HHIPL2: variants seen among roughly 807,000 people sequenced by gnomAD.
The protein encoded by HHIPL2 is HHIP-like protein 2.
A neutral mutation model predicts 61.0 loss-of-function variants in HHIPL2; 61 were observed. The observed-to-expected ratio is 1.00, with a 90% confidence interval of 0.81 to 1.24. HHIPL2 has a LOEUF of 1.24. HHIPL2 is among the 50% of genes most tolerant of loss of function. HHIPL2 has a pLI of 0.00. For synonymous variants in HHIPL2, 343 were observed against 357.4 expected (o/e 0.96, Z 0.45); for missense variants, 885 against 910.2 (o/e 0.97, Z 0.36).
intron 6 of HHIPL2, among the ~76,000 whole-genome samples, chr1:222,529,428 A>G (rs1659142858): frequency 6.6e-6 from 1 of 152,192 alleles, no homozygotes; most frequent in Non-Finnish European, 1.5e-5. Context: ...GGCCCCTCGA[A>G]ACCATGCAAA....
In HHIPL2 at chr1:222,526,884, G is replaced by A. The variant is rs999618544; in HGVS notation, c.1805+85C>T. ...CATCTAGAACATGAGTTTGCTTCGG[G>A]ACAATGAGGACTGTTTTTATGGCCT... On this transcript the variant is annotated intron_variant, in intron 7 of 8. Transcript: ENST00000343410. 10 of 1,088,362 alleles carry A rather than the reference G, an allele frequency of 9.2e-6. No individual in the cohort carries two copies. The South Asian group carries it at 1.2e-4, about 13-fold the overall frequency. The allele number at this position is 1,088,362 out of a possible 1,614,324, so 67.4% of individuals were successfully genotyped here. A position where few individuals can be genotyped will look rare whatever the true frequency, so the allele number is the denominator to read the frequency against.
chr1:222,530,272 A>C (rs1254411074), intron 6 of HHIPL2, among the ~76,000 whole-genome samples: 1 of 152,210 alleles, frequency 6.6e-6, no homozygotes. Flanking sequence ...AGCAAGCCAC[A>C]GAAGATGGCA....
At chr1:222,544,977 T>C (rs566664904) in intron 1 of HHIPL2, among the ~76,000 whole-genome samples, 17 of 152,334 alleles carry the variant, frequency 1.1e-4, no homozygotes, top group Admixed American at 2.0e-4. Flanking sequence ...ATTGTGGCTA[T>C]AGGGCAATAT....
intron 7 of HHIPL2, among the ~76,000 whole-genome samples, chr1:222,526,708 A>AC (rs1398391555): frequency 2.0e-5 from 3 of 148,046 alleles, no homozygotes; most frequent in Non-Finnish European, 4.5e-5. Context: ...TCCATCTCAA[A>AC]AAAAAAAAAA....
chr1:222,538,750 T>G lies in HHIPL2; in HGVS notation c.1475A>C (p.Tyr492Ser), dbSNP rs765416661. The G allele has an allele frequency of 6.2e-7, 1 of 1,614,156 alleles. No homozygotes were observed. The highest frequency in any genetic ancestry group is 1.1e-5 in the South Asian group (1 of 91,078). Residue 492 changes from tyrosine to serine, a missense_variant, in exon 5 of 9, where the codon TAT (tyrosine) becomes TCT (serine). Physicochemically the swap from Tyr to Ser is moderately radical, Grantham distance 144. Transcript: ENST00000343410. Reference protein sequence around the residue: ...SLDDVLPIYAYGHAVGKSVTG... With the variant: ...SLDDVLPIYASGHAVGKSVTG... ...GACTGACTTCCCCACTGCATGGCCA[T>G]AAGCATAGATTGGCAGAACATCATC... is the stretch of plus-strand genomic sequence containing the variant.
intron 3 of HHIPL2, among the ~76,000 whole-genome samples, chr1:222,541,592 T>C (rs914734956): frequency 3.9e-5 from 6 of 152,146 alleles, no homozygotes; most frequent in African/African-American, 1.4e-4. Context: ...GTAAAGTACT[T>C]AGACCAATGC....
intron 6 of HHIPL2, among the ~76,000 whole-genome samples, chr1:222,530,946 C>G (rs560568983): frequency 6.6e-6 from 1 of 151,932 alleles, no homozygotes; most frequent in Non-Finnish European, 1.5e-5. Context: ...ATTTAAAATT[C>G]GAAAACCTTA....
chr1:222,531,335 C>A (rs556620038), intron 6 of HHIPL2, among the ~76,000 whole-genome samples: 1 of 152,330 alleles, frequency 6.6e-6, no homozygotes, highest in East Asian at 1.9e-4. Flanking sequence ...GCCCTTTCCA[C>A]ATTCCTAAAA....
At chr1:222,531,239 C>A (rs908953502) in intron 6 of HHIPL2, among the ~76,000 whole-genome samples, 16 of 152,166 alleles carry the variant, frequency 1.1e-4, no homozygotes, top group Non-Finnish European at 2.2e-4. Flanking sequence ...CCTGGCCCAA[C>A]CAGTGAGATG....
At chr1:222,524,643 T>C (rs1571762342) in intron 7 of HHIPL2, among the ~76,000 whole-genome samples, 1 of 152,326 alleles carries the variant, frequency 6.6e-6, no homozygotes, top group South Asian at 2.1e-4. Flanking sequence ...GTCCATGTTC[T>C]CAACCACTGT....
rs535612246 is a variant in HHIPL2 at position 222,542,648 on chromosome 1, G to A, written c.975-493C>T. Among the ~76,000 whole-genome samples the A allele has an allele frequency of 4.7e-5, 7 of 149,656 alleles. No homozygotes were observed. The East Asian group carries it at 5.9e-4, about 13-fold the overall frequency. On this transcript the variant is annotated intron_variant, in intron 2 of 8. Coordinates refer to ENST00000343410, the MANE Select transcript of HHIPL2 (RefSeq NM_024746.4). ...CAGGTTCATGCGATTCTCCTGCCTC[G>A]GCCTCCTGAGTAGCTGGGACTACAG...
intron 7 of HHIPL2, 28 bp downstream of exon 7, chr1:222,526,941 T>G (rs1009064989): frequency 1.3e-6 from 2 of 1,575,616 alleles, no homozygotes; most frequent in Non-Finnish European, 1.7e-6. Flanking sequence ...AAAAATGCAT[T>G]TGAGAAGAAA....
chr1:222,543,483 T>C (rs1469419690), intron 2 of HHIPL2, 54 bp downstream of exon 2: 13 of 1,495,584 alleles, frequency 8.7e-6, no homozygotes, highest in Middle Eastern at 1.8e-4. Context: ...GCAGACCTGG[T>C]TGGCATTATT....
At chr1:222,544,292 A>G in intron 1 of HHIPL2, 103 bp from the exon 2 acceptor site, 1 of 1,321,586 alleles carries the variant, frequency 7.6e-7, no homozygotes, top group Non-Finnish European at 1.0e-6. Context: ...TAGGCGGAAA[A>G]AATCAGGATT....
At chr1:222,537,666 T>C (rs1445542286) in intron 5 of HHIPL2, among the ~76,000 whole-genome samples, 5 of 151,324 alleles carry the variant, frequency 3.3e-5, no homozygotes, top group African/African-American at 7.3e-5. Context: ...AGTGTCTCTA[T>C]TCACAGACCT....
Position 222,540,290 on chromosome 1 carries a change from T to C in HHIPL2, c.1170A>G (p.Ser390=), listed in dbSNP as rs1256367572. 1 of 1,614,092 alleles carries C rather than the reference T, an allele frequency of 6.2e-7. No individual in the cohort carries two copies. The highest frequency in any genetic ancestry group is 1.3e-5 in the African/African-American group (1 of 74,944). The change falls in exon 4 of 9, where the codon TCA becomes TCG. Residue 390 remains serine (S), a synonymous_variant. Transcript: ENST00000343410. ...AGGGGACTCGGTACCGCTTGCCATG[T>C]GAGCCTGCCCTGTTCACATCGATCC... ...VLRIDVNRAG[S]HGKRYRVPSD...
intron 5 of HHIPL2, among the ~76,000 whole-genome samples, chr1:222,533,580 G>A (rs1255075005): frequency 6.6e-6 from 1 of 152,068 alleles, no homozygotes; most frequent in African/African-American, 2.4e-5. Context: ...CATGAAAATA[G>A]AACATCTTTT....
rs772949557 is a variant in HHIPL2, at chr1:222,543,945, T to C, written c.566A>G (p.Tyr189Cys). Residue 189 changes from tyrosine (Y) to cysteine (C), a missense_variant, in exon 2 of 9, where the codon TAT (tyrosine) becomes TGT (cysteine). Coordinates refer to ENST00000343410, the MANE Select transcript of HHIPL2 (RefSeq NM_024746.4). ...YCFPNVLRNDYLNRHLGMVAQ... is the reference protein window; with the variant it reads ...YCFPNVLRNDCLNRHLGMVAQ... The stretch of plus-strand genomic sequence containing the variant: ...CACCATGCCCAGGTGGCGGTTGAGA[T>C]AGTCGTTCCTCAGGACATTAGGGAA... 5.6e-6 allele frequency: 9 copies of C among 1,614,194 alleles called. No homozygotes were observed. Among genetic ancestry groups the C allele is most frequent in the African/African-American group, 4.0e-5 (3 of 75,026 alleles).
intron 5 of HHIPL2, among the ~76,000 whole-genome samples, chr1:222,537,830 A>G (rs1023527160): frequency 3.3e-5 from 5 of 152,176 alleles, no homozygotes; most frequent in Non-Finnish European, 7.3e-5. Context: ...GAATTTAACA[A>G]AATAACATTT....
Sources: allele counts gnomAD v4.1 joint callset (sites outside exome capture counted in the v4.1 genomes callset), GRCh38; gene constraint gnomAD v4.1.1; transcripts MANE v1.5; gene names NCBI Gene and HGNC (gene_info 2026-07-23, HGNC 2026-07-21).